Variants in DGKB observed in about 807,000 individuals in gnomAD.
The protein encoded by DGKB is 90 kDa diacylglycerol kinase.
A neutral mutation model predicts 114.3 loss-of-function variants in DGKB; 67 were observed. That is an observed-to-expected ratio of 0.59 (90% confidence interval 0.48 to 0.72). The LOEUF is 0.72. Ranked by LOEUF, DGKB falls within the 30% of genes least tolerant of loss-of-function variation. DGKB has a pLI of 0.00. For synonymous variants in DGKB, 398 were observed against 323.1 expected, an observed-to-expected ratio of 1.23 and a Z score of -2.49; for missense variants, 907 against 975.2, an observed-to-expected ratio of 0.93 and a Z score of 0.93.
chr7:14,421,604 A>G (rs1826706375), intron 21 of DGKB, among the ~76,000 whole-genome samples: 1 of 152,128 alleles, frequency 6.6e-6, no homozygotes, highest in Non-Finnish European at 1.5e-5. Flanking sequence ...AGAAAAGGAA[A>G]TGTTTTGCCT....
At chr7:14,567,233 A>T (rs1201821115) in intron 20 of DGKB, among the ~76,000 whole-genome samples, 1 of 52,980 alleles carries the variant, frequency 1.9e-5, no homozygotes, top group Non-Finnish European at 3.2e-5. Context: ...AATATATATA[A>T]TTATATTATA....
At chr7:14,794,598 C>G (rs956302303) in intron 2 of DGKB, among the ~76,000 whole-genome samples, 2 of 152,088 alleles carry the variant, frequency 1.3e-5, no homozygotes, top group Non-Finnish European at 2.9e-5. Context: ...GAAGTATAGC[C>G]TTATCTCCTA....
intron 21 of DGKB, among the ~76,000 whole-genome samples, chr7:14,477,933 G>A (rs1248548902): frequency 6.6e-6 from 1 of 151,820 alleles, no homozygotes; most frequent in Non-Finnish European, 1.5e-5. Context: ...TAATACATGA[G>A]AATGAAATAG....
At position 14,580,970 on chromosome 7, in the gene DGKB, T is replaced by C. The variant is rs1554524407; in HGVS notation, c.1520-19A>G. 3 of 1,538,402 alleles carry C rather than the reference T, an allele frequency of 2.0e-6. No individual in the cohort carries two copies. Among genetic ancestry groups the C allele is most frequent in the Non-Finnish European group, 2.6e-6 (3 of 1,132,736 alleles). On this transcript the variant is annotated intron_variant, in intron 18 of 25. Coordinates refer to ENST00000402815, the MANE Select transcript of DGKB (RefSeq NM_001350709.2). The stretch of plus-strand genomic sequence containing the variant: ...GCCTTTTCTGCAGAATAAAAAAAAA[T>C]ACAAATAAAGAAAATTTTAAGTTCA...
At chr7:14,668,238 T>G (rs1250135725) in intron 13 of DGKB, among the ~76,000 whole-genome samples, 2 of 152,068 alleles carry the variant, frequency 1.3e-5, no homozygotes, top group East Asian at 3.9e-4. Context: ...ACAGTCACAG[T>G]TGGGCTGAAG....
At chr7:14,831,387 TG>T (rs1477418952) in intron 2 of DGKB, among the ~76,000 whole-genome samples, 3 of 152,078 alleles carry the variant, frequency 2.0e-5, no homozygotes, top group Non-Finnish European at 4.4e-5. Context: ...CTACAGCCTA[TG>T]TTCCAGACTG....
chr7:14,220,858 A>C (rs1371302402), intron 23 of DGKB, among the ~76,000 whole-genome samples: 1 of 151,430 alleles, frequency 6.6e-6, no homozygotes, highest in African/African-American at 2.4e-5. Context: ...ATTTTTAAAA[A>C]TTTCTTTCAA....
intron 21 of DGKB, among the ~76,000 whole-genome samples, chr7:14,395,652 T>A (rs1822097999): frequency 6.6e-6 from 1 of 151,838 alleles, no homozygotes; most frequent in African/African-American, 2.4e-5. Flanking sequence ...TGTAAAAATA[T>A]GTGCAAATAC....
At chr7:14,219,943 T>C (rs1273395401) in intron 23 of DGKB, among the ~76,000 whole-genome samples, 1 of 151,714 alleles carries the variant, frequency 6.6e-6, no homozygotes, top group Admixed American at 6.6e-5. Flanking sequence ...AGTTAATTTT[T>C]CTATACAGTC....
intron 23 of DGKB, among the ~76,000 whole-genome samples, chr7:14,318,641 G>A (rs979597766): frequency 1.3e-5 from 2 of 151,916 alleles, no homozygotes; most frequent in African/African-American, 4.8e-5. Context: ...GAAACAACAG[G>A]TGCTGGAGAG....
rs968784889 is a variant in DGKB at position 14,145,850 on chromosome 7, G to C, written c.*3281C>G. On this transcript the variant is annotated 3_prime_UTR_variant, in exon 26 of 26. Coordinates refer to ENST00000402815, the MANE Select transcript of DGKB (RefSeq NM_001350709.2). ...AAATCTTGTCTCATTCAAGAATACA[G>C]TGTGAGATTCAAGGAGAATACAGTG... 13 of 152,204 alleles carry C rather than the reference G, an allele frequency of 8.5e-5. No individual in the cohort carries two copies. The highest frequency in any genetic ancestry group is 2.9e-4 in the African/African-American group (12 of 41,456). The allele number at this position is 152,204 out of a possible 1,614,324, so 9.4% of individuals were successfully genotyped here.
At chr7:14,336,480 G>GT (rs1278391709) in intron 23 of DGKB, among the ~76,000 whole-genome samples, 1 of 152,228 alleles carries the variant, frequency 6.6e-6, no homozygotes, top group East Asian at 1.9e-4. Context: ...GAGCTCTGCT[G>GT]TTTTTTAACT....
chr7:14,701,581 T>C (rs1825183236), intron 7 of DGKB, 100 bp downstream of exon 7: 2 of 834,348 alleles, frequency 2.4e-6, no homozygotes, highest in Non-Finnish European at 4.0e-6. Context: ...GTAAATTACA[T>C]TAAGTGTGCC....
At chr7:14,280,832 G>A (rs1799827714) in intron 23 of DGKB, among the ~76,000 whole-genome samples, 2 of 150,602 alleles carry the variant, frequency 1.3e-5, no homozygotes, top group Non-Finnish European at 3.0e-5. Flanking sequence ...TCACCACCAG[G>A]CCTGCCCTAA....
chr7:14,933,818 C>G (rs1587409566), intron 1 of DGKB, among the ~76,000 whole-genome samples: 1 of 152,092 alleles, frequency 6.6e-6, no homozygotes, highest in African/African-American at 2.4e-5. Flanking sequence ...TTAAAAATAT[C>G]TAATTTTCAA....
intron 23 of DGKB, among the ~76,000 whole-genome samples, chr7:14,210,822 G>C (rs559883726): frequency 5.3e-5 from 8 of 152,092 alleles, no homozygotes; most frequent in Admixed American, 4.6e-4. Context: ...TTTCCTCTCT[G>C]CTTCCTGTTA....
At chr7:14,440,007 G>A (rs1829852474) in intron 21 of DGKB, among the ~76,000 whole-genome samples, 1 of 152,036 alleles carries the variant, frequency 6.6e-6, no homozygotes, top group Admixed American at 6.6e-5. Flanking sequence ...ATGCAGAGAT[G>A]CTAACAAAAA....
chr7:14,647,878 G>C (rs1813421754), intron 13 of DGKB, among the ~76,000 whole-genome samples: 3 of 152,220 alleles, frequency 2.0e-5, no homozygotes, highest in Admixed American at 1.3e-4. Flanking sequence ...AAAGAAAGGG[G>C]TGACGGACAG....
At chr7:14,395,542 C>A (rs138679258) in intron 21 of DGKB, among the ~76,000 whole-genome samples, 1 of 151,638 alleles carries the variant, frequency 6.6e-6, no homozygotes, top group Non-Finnish European at 1.5e-5. Flanking sequence ...TGTTCAAACA[C>A]CATATAGTGA....
Sources: gnomAD v4.1 joint callset for allele counts (sites outside exome capture counted in the v4.1 genomes callset) on GRCh38, gnomAD v4.1.1 for gene constraint, MANE v1.5 for transcripts, NCBI Gene and HGNC (gene_info 2026-07-23, HGNC 2026-07-21) for gene names.